CDK14: variants seen among roughly 807,000 people sequenced by gnomAD.
The protein encoded by CDK14 is cyclin dependent kinase 14, also known as cyclin-dependent kinase 14.
Under a neutral mutation model 60.7 loss-of-function variants are expected in CDK14, and 34 were observed. That is an observed-to-expected ratio of 0.56 (90% CI 0.43 to 0.75). CDK14 has a LOEUF of 0.75. CDK14 is among the 30% of genes least tolerant of loss of function. The probability of loss-of-function intolerance (pLI) is 0.00; values close to 1 mark genes in which losing one functional copy is unlikely to be tolerated. For missense variants in CDK14, 482 were observed against 564.1 expected (o/e 0.85, Z 1.47); for synonymous variants, 197 against 203.7 (o/e 0.97, Z 0.28).
At chr7:90,936,200 A>G (rs956370120) in intron 8 of CDK14, among the ~76,000 whole-genome samples, 20 of 152,202 alleles carry the variant, frequency 1.3e-4, no homozygotes, top group African/African-American at 4.8e-4. Context: ...TTTTAACAAT[A>G]TATAAATTGC....
At chr7:90,981,903 G>A (rs1419218672) in intron 9 of CDK14, among the ~76,000 whole-genome samples, 3 of 152,074 alleles carry the variant, frequency 2.0e-5, no homozygotes. Flanking sequence ...TCATCTGCAG[G>A]AATGTGTAGC....
At chr7:90,771,349 T>G (rs1416306375) in intron 4 of CDK14, among the ~76,000 whole-genome samples, 1 of 152,240 alleles carries the variant, frequency 6.6e-6, no homozygotes, top group Non-Finnish European at 1.5e-5. Context: ...TTACAGCTTC[T>G]TTTCTCCCAG....
chr7:90,897,442 G>A (rs528319990), intron 6 of CDK14, among the ~76,000 whole-genome samples: 40 of 152,070 alleles, frequency 2.6e-4, no homozygotes, highest in African/African-American at 9.4e-4. Context: ...TGTTTCTTGT[G>A]TGTGAAGCAT....
At chr7:90,802,210 C>G (rs1267682603) in intron 5 of CDK14, among the ~76,000 whole-genome samples, 1 of 152,184 alleles carries the variant, frequency 6.6e-6, no homozygotes, top group Non-Finnish European at 1.5e-5. Flanking sequence ...TTCAGTGAAA[C>G]ATTATGTTAA....
intron 10 of CDK14, among the ~76,000 whole-genome samples, chr7:91,009,432 CTT>C (rs1170325526): frequency 6.6e-6 from 1 of 152,090 alleles, no homozygotes; most frequent in Admixed American, 6.6e-5. Flanking sequence ...ATGCTTAACT[CTT>C]TTAAAAACTG....
chr7:90,729,344 G>GTTTTTTTTTTT lies in CDK14; in HGVS notation c.369+2549_369+2559dup, dbSNP rs1237046149. On this transcript the variant is annotated intron_variant, in intron 3 of 14. Transcript: ENST00000380050. ...TGCCTTGGATCATGTAGGTATCAAG[G>GTTTTTTTTTTT]TTTTTTTTTTTTTTTTTTTTTTTTT... Among the ~76,000 whole-genome samples, 274 of 45,200 alleles carry GTTTTTTTTTTT rather than the reference G, an allele frequency of 6.1e-3. 77 individuals are homozygous for GTTTTTTTTTTT. Among genetic ancestry groups the GTTTTTTTTTTT allele is most frequent in the African/African-American group, 0.014 (163 of 11,350 alleles). The allele number at this position is 45,200 out of a possible 152,430, so 29.7% of individuals were successfully genotyped here.
chr7:91,092,498 T>C (rs1798859447), intron 12 of CDK14, among the ~76,000 whole-genome samples: 1 of 152,220 alleles, frequency 6.6e-6, no homozygotes, highest in South Asian at 2.1e-4. Flanking sequence ...AAGACTGGGC[T>C]CCCATGCACA....
intron 4 of CDK14, among the ~76,000 whole-genome samples, chr7:90,756,265 A>C (rs1804054157): frequency 6.6e-6 from 1 of 152,240 alleles, no homozygotes; most frequent in Non-Finnish European, 1.5e-5. Flanking sequence ...ACCACTTGGA[A>C]GTTCCTATCC....
intron 14 of CDK14, among the ~76,000 whole-genome samples, chr7:91,148,504 G>A (rs1800724806): frequency 6.6e-6 from 1 of 152,188 alleles, no homozygotes; most frequent in Non-Finnish European, 1.5e-5. Flanking sequence ...AGTTTGTGAG[G>A]TAATAGTTAG....
chr7:91,096,402 C>A (rs1216769316), intron 12 of CDK14, among the ~76,000 whole-genome samples: 1 of 152,026 alleles, frequency 6.6e-6, no homozygotes, highest in Non-Finnish European at 1.5e-5. Context: ...GCCATGTGAA[C>A]GAATTACCTT....
intron 4 of CDK14, among the ~76,000 whole-genome samples, chr7:90,773,826 G>A (rs1030535224): frequency 2.4e-4 from 34 of 143,918 alleles, no homozygotes; most frequent in Non-Finnish European, 9.0e-5. Context: ...CTCTCCTCTG[G>A]CATAGGTCTT....
intron 2 of CDK14, among the ~76,000 whole-genome samples, chr7:90,685,863 A>T (rs2116572995): frequency 6.6e-6 from 1 of 151,356 alleles, no homozygotes; most frequent in East Asian, 1.9e-4. Flanking sequence ...CCTTATTTAC[A>T]TTTTCTAGTT....
chr7:91,039,472 A>G (rs949887498), intron 10 of CDK14, among the ~76,000 whole-genome samples: 8 of 152,246 alleles, frequency 5.3e-5, no homozygotes, highest in Middle Eastern at 6.8e-3. Context: ...CCAGTGAAAA[A>G]CGTGGGTCCC....
chr7:91,060,038 CTAAG>C (rs943676646), intron 11 of CDK14, among the ~76,000 whole-genome samples: 1 of 151,762 alleles, frequency 6.6e-6, no homozygotes, highest in African/African-American at 2.4e-5. Flanking sequence ...GTGTGGGAGT[CTAAG>C]TGTCTTTGTA....
rs59410115 is a variant in CDK14, at chr7:91,024,111, AATGATGATGATG to A, written c.1042-21756_1042-21745del. Among the ~76,000 whole-genome samples, 1,313 of 149,378 alleles carry A rather than the reference AATGATGATGATG, an allele frequency of 8.8e-3. 46 individuals are homozygous for A. The highest frequency in any genetic ancestry group is 0.074 in the Admixed American group (1,106 of 14,948). On this transcript the variant is annotated intron_variant, in intron 10 of 14. Coordinates refer to ENST00000380050, the MANE Select transcript of CDK14 (RefSeq NM_001287135.2). ...TAAAGAAGCTAAGCAACCCATCCAA[AATGATGATGATG>A]ATGATGATGATGATGATGATGATGA...
chr7:91,080,619 A>G (rs1290767562), intron 12 of CDK14, among the ~76,000 whole-genome samples: 1 of 152,156 alleles, frequency 6.6e-6, no homozygotes, highest in Non-Finnish European at 1.5e-5. Flanking sequence ...GGTCTAACAT[A>G]TTTTAATTAA....
chr7:90,620,581 C>G (rs550384518), intron 2 of CDK14, among the ~76,000 whole-genome samples: 2 of 152,220 alleles, frequency 1.3e-5, no homozygotes, highest in African/African-American at 4.8e-5. Context: ...CAGAGGTAAC[C>G]CTCTCCACCT....
intron 14 of CDK14, among the ~76,000 whole-genome samples, chr7:91,160,137 C>T (rs187263139): frequency 6.6e-6 from 1 of 151,794 alleles, no homozygotes; most frequent in Non-Finnish European, 1.5e-5. Context: ...TTAGAAAATC[C>T]GAATTACTTT....
chr7:90,805,592 G>A (rs58048573), intron 5 of CDK14, among the ~76,000 whole-genome samples: 11 of 151,940 alleles, frequency 7.2e-5, no homozygotes, highest in South Asian at 2.1e-4. Context: ...TAGAATTTTT[G>A]TACTGAAAAT....
Sources: allele counts gnomAD v4.1 joint callset (sites outside exome capture counted in the v4.1 genomes callset), GRCh38; gene constraint gnomAD v4.1.1; transcripts MANE v1.5; gene names NCBI Gene and HGNC (gene_info 2026-07-23, HGNC 2026-07-21).